MEGF10: variants seen among roughly 807,000 people sequenced by gnomAD.
MEGF10 encodes the protein multiple epidermal growth factor-like domains protein 10.
In MEGF10, 86 loss-of-function variants were observed where a neutral mutation model predicts 147.5. The observed-to-expected ratio is 0.58, with a 90% confidence interval of 0.49 to 0.70. The LOEUF (loss-of-function observed/expected upper bound fraction) is 0.70, where lower values mean the gene tolerates loss of function less well. MEGF10 is among the 30% of genes least tolerant of loss of function. The probability of loss-of-function intolerance (pLI) is 0.00; values close to 1 mark genes in which losing one functional copy is unlikely to be tolerated. For missense variants in MEGF10, 1,329 were observed against 1,487.3 expected (o/e 0.89, Z 1.75); for synonymous variants, 478 against 525.5 (o/e 0.91, Z 1.24).
At chr5:127,238,470 G>A in the MEGF10 span, among the ~76,000 whole-genome samples, 1 of 152,168 alleles carries the variant, frequency 6.6e-6, no homozygotes, top group Non-Finnish European at 1.5e-5. Flanking sequence ...CTCATTGACA[G>A]CTTGTGGTTG....
intron 1 of MEGF10, among the ~76,000 whole-genome samples, chr5:127,293,990 T>G (rs1161740997): frequency 6.6e-6 from 1 of 152,172 alleles, no homozygotes; most frequent in African/African-American, 2.4e-5. Flanking sequence ...TGTTACTATC[T>G]CAAGAATACG....
chr5:127,318,214 C>G (rs1024503474), intron 1 of MEGF10, among the ~76,000 whole-genome samples: 1 of 152,104 alleles, frequency 6.6e-6, no homozygotes, highest in African/African-American at 2.4e-5. Flanking sequence ...AATCTGCCAG[C>G]GCCTTGATTC....
the MEGF10 span, among the ~76,000 whole-genome samples, chr5:127,282,664 A>G: frequency 6.6e-6 from 1 of 152,172 alleles, no homozygotes; most frequent in African/African-American, 2.4e-5. Context: ...TTTTGTACCA[A>G]TCTAATAGTT....
At chr5:127,277,174 C>T in the MEGF10 span, among the ~76,000 whole-genome samples, 1 of 152,214 alleles carries the variant, frequency 6.6e-6, no homozygotes, top group African/African-American at 2.4e-5. Context: ...CCAAGGCACT[C>T]ATTTCCCCAG....
the MEGF10 span, among the ~76,000 whole-genome samples, chr5:127,282,253 G>T: frequency 6.6e-6 from 1 of 152,164 alleles, no homozygotes; most frequent in African/African-American, 2.4e-5. Context: ...CCATTGGGTT[G>T]ATGACTCCCA....
the MEGF10 span, among the ~76,000 whole-genome samples, chr5:127,235,087 C>A: frequency 6.6e-6 from 1 of 152,188 alleles, no homozygotes; most frequent in African/African-American, 2.4e-5. Flanking sequence ...CTCAGGCAAT[C>A]CACCCGCCTT....
chr5:127,263,436 T>C, the MEGF10 span, among the ~76,000 whole-genome samples: 2 of 152,142 alleles, frequency 1.3e-5, no homozygotes, highest in Non-Finnish European at 2.9e-5. Context: ...GTTTTACAAT[T>C]GTATTTTATA....
intron 20 of MEGF10, 106 bp from the exon 21 acceptor site, chr5:127,447,451 A>G (rs1351766246): frequency 1.4e-6 from 2 of 1,481,058 alleles, no homozygotes; most frequent in Non-Finnish European, 1.8e-6. Flanking sequence ...TGCTGGGATT[A>G]CAGGCGTGAG....
intron 5 of MEGF10, among the ~76,000 whole-genome samples, chr5:127,387,632 A>G (rs1346222340): frequency 6.6e-6 from 1 of 152,184 alleles, no homozygotes; most frequent in African/African-American, 2.4e-5. Context: ...GAGACATTGC[A>G]TTGATGGATT....
rs751048515 is a variant in MEGF10 at position 127,457,306 on chromosome 5, C to T, written c.3411C>T (p.Ser1137=). 1 of 1,613,338 alleles carries T rather than the reference C, an allele frequency of 6.2e-7. No individual in the cohort carries two copies. The highest frequency in any genetic ancestry group is 2.2e-5 in the East Asian group (1 of 44,866). ...DSGGSSSNSS[S]SSE is the part of the protein sequence containing the mutation. ...GTGGTAGCAGCAGCAACAGCAGCAG[C>T]AGCAGTGAATGACACCAAAGGACCG... The change falls in exon 25 of 25, where the codon AGC becomes AGT. Residue 1137 remains serine (S), a synonymous_variant. Transcript: ENST00000503335.
At chr5:127,321,638 G>C (rs751263810) in intron 1 of MEGF10, among the ~76,000 whole-genome samples, 1 of 152,164 alleles carries the variant, frequency 6.6e-6, no homozygotes, top group Non-Finnish European at 1.5e-5. Flanking sequence ...CTGATAGTGA[G>C]TGCTTCAGTA....
At chr5:127,443,966 A>T (rs1383003419) in intron 19 of MEGF10, among the ~76,000 whole-genome samples, 1 of 152,224 alleles carries the variant, frequency 6.6e-6, no homozygotes, top group Non-Finnish European at 1.5e-5. Flanking sequence ...GAGTAGAATA[A>T]TTGGGGTATA....
intron 5 of MEGF10, among the ~76,000 whole-genome samples, chr5:127,378,372 T>C (rs1763112920): frequency 6.6e-6 from 1 of 152,198 alleles, no homozygotes; most frequent in South Asian, 2.1e-4. Context: ...TCTTCACACA[T>C]GGCCCAGTCT....
intron 17 of MEGF10, among the ~76,000 whole-genome samples, chr5:127,439,037 C>T (rs900798954): frequency 1.3e-5 from 2 of 152,186 alleles, no homozygotes; most frequent in African/African-American, 4.8e-5. Flanking sequence ...AAGCTAGTTC[C>T]ATCCCCAGAA....
chr5:127,429,129 T>C (rs886650118), intron 13 of MEGF10, among the ~76,000 whole-genome samples: 7 of 152,210 alleles, frequency 4.6e-5, no homozygotes, highest in Non-Finnish European at 1.0e-4. Context: ...CCTTCCCACG[T>C]TGCCCCTTCT....
rs768032561 is a variant in MEGF10 at position 127,460,286 on chromosome 5, CAT to C, written c.*2969_*2970del. 10 of 152,130 alleles carry C rather than the reference CAT, an allele frequency of 6.6e-5. No homozygotes were observed. Among genetic ancestry groups the C allele is most frequent in the African/African-American group, 1.9e-4 (8 of 41,432 alleles). 9.4% of individuals were successfully genotyped at this position (152,130 alleles called of 1,614,324 possible). On this transcript the variant is annotated 3_prime_UTR_variant, in exon 25 of 25. Transcript: ENST00000503335. ...ATCAGAACTTGCCCACATGATAACT[CAT>C]GTTTGCTTTAATAAGGAAAATATGT...
chr5:127,394,018 G>C lies in MEGF10; in HGVS notation c.413-2514G>C, dbSNP rs191149031. ...ATGTTCTGTAAAGTGTATGTGCTTG[G>C]GGCCACCCTGACCACAGTGTCACAT... On this transcript the variant is annotated intron_variant, in intron 5 of 24. Coordinates refer to ENST00000503335, the MANE Select transcript of MEGF10 (RefSeq NM_001256545.2). Among the ~76,000 whole-genome samples the C allele has an allele frequency of 4.8e-3, 727 of 151,984 alleles. 24 individuals carry two copies. Among genetic ancestry groups the C allele is most frequent in the Non-Finnish European group, 1.4e-3 (94 of 67,984 alleles).
chr5:127,278,155 G>C, the MEGF10 span, among the ~76,000 whole-genome samples: 1 of 152,084 alleles, frequency 6.6e-6, no homozygotes, highest in South Asian at 2.1e-4. Context: ...AGGTTGGAAA[G>C]ATGTGAAGAA....
chr5:127,265,917 T>A, the MEGF10 span, among the ~76,000 whole-genome samples: 1 of 152,206 alleles, frequency 6.6e-6, no homozygotes, highest in Non-Finnish European at 1.5e-5. Context: ...AGAAGCTCCT[T>A]AGTTTAGTTA....
Sources: allele counts gnomAD v4.1 joint callset (sites outside exome capture counted in the v4.1 genomes callset), GRCh38; gene constraint gnomAD v4.1.1; transcripts MANE v1.5; gene names NCBI Gene and HGNC (gene_info 2026-07-23, HGNC 2026-07-21).